TAF3: variants seen among roughly 807,000 people sequenced by gnomAD.
TAF3 encodes the protein TATA-box binding protein associated factor 3.
Under a neutral mutation model 80.6 loss-of-function variants are expected in TAF3, and 7 were observed. The ratio of observed to expected loss-of-function variants is 0.09; its 90% CI spans 0.05 to 0.16. The LOEUF is 0.16. TAF3 is among the 10% of genes least tolerant of loss of function. The probability of loss-of-function intolerance (pLI) is 1.00; values close to 1 mark genes in which losing one functional copy is unlikely to be tolerated. For synonymous variants in TAF3, 444 were observed against 446.1 expected, an observed-to-expected ratio of 1.00 and a Z score of 0.06; for missense variants, 921 against 1,140.2, an observed-to-expected ratio of 0.81 and a Z score of 2.77.
chr10:7,943,746 A>C (rs969698801), intron 2 of TAF3, among the ~76,000 whole-genome samples: 2 of 152,210 alleles, frequency 1.3e-5, no homozygotes, highest in Non-Finnish European at 2.9e-5. Flanking sequence ...GTAAGCAAAA[A>C]TTAGTTGTGT....
chr10:7,875,067 T>A (rs1837301975), intron 2 of TAF3, among the ~76,000 whole-genome samples: 1 of 152,174 alleles, frequency 6.6e-6, no homozygotes, highest in African/African-American at 2.4e-5. Context: ...TAAGTGAAGC[T>A]TTCTTATCTT....
At position 7,964,060 on chromosome 10, in the gene TAF3, C is replaced by A. The variant is rs1364700503; in HGVS notation, c.550C>A (p.Pro184Thr). The change falls in exon 3 of 7, where the codon CCT becomes ACT. Residue 184 changes from proline to threonine, a missense_variant. Physicochemically the swap from Pro to Thr is conservative, Grantham distance 38 (BLOSUM62 -1). Coordinates refer to ENST00000344293, the MANE Select transcript of TAF3 (RefSeq NM_031923.4). The surrounding 1 kb of genome is among the most constrained non-coding windows in gnomAD (Gnocchi z 4.1). ...CCTGGGCAAGAGACCACTGGATAGT[C>A]CTGAAGCTGAAGAACTGCCAGCCAT... Reference protein sequence around the residue: ...NFLGKRPLDSPEAEELPAMKR... With the variant: ...NFLGKRPLDSTEAEELPAMKR... The A allele has an allele frequency of 6.2e-7, 1 of 1,614,012 alleles. No homozygotes were observed. The highest frequency in any genetic ancestry group is 1.3e-5 in the African/African-American group (1 of 74,974).
intron 2 of TAF3, among the ~76,000 whole-genome samples, chr10:7,858,510 A>G (rs1837106104): frequency 6.6e-6 from 1 of 152,120 alleles, no homozygotes; most frequent in African/African-American, 2.4e-5. Flanking sequence ...GATCTTACTG[A>G]TTAGGTACTT....
chr10:7,913,991 A>G (rs1564362329), intron 2 of TAF3, among the ~76,000 whole-genome samples: 2 of 152,178 alleles, frequency 1.3e-5, no homozygotes, highest in Admixed American at 6.5e-5. Context: ...AGCAGGGGGG[A>G]ACCATGATTG....
intron 2 of TAF3, among the ~76,000 whole-genome samples, chr10:7,834,787 C>A (rs1836835318): frequency 6.6e-6 from 1 of 152,168 alleles, no homozygotes; most frequent in Non-Finnish European, 1.5e-5. Flanking sequence ...CTGATACTAT[C>A]ATTCATGATT....
intron 2 of TAF3, among the ~76,000 whole-genome samples, chr10:7,931,354 A>G (rs1837867849): frequency 6.6e-6 from 1 of 152,130 alleles, no homozygotes; most frequent in Non-Finnish European, 1.5e-5. Context: ...CCTAACCACT[A>G]TGCCATATTT....
intron 2 of TAF3, among the ~76,000 whole-genome samples, chr10:7,930,801 A>C (rs1233046812): frequency 6.6e-6 from 1 of 152,150 alleles, no homozygotes; most frequent in East Asian, 1.9e-4. Context: ...ATCACTACAA[A>C]AGTAGCAGAG....
intron 2 of TAF3, among the ~76,000 whole-genome samples, chr10:7,870,664 C>T (rs555216178): frequency 1.9e-3 from 284 of 152,126 alleles, no homozygotes; most frequent in Non-Finnish European, 3.0e-3. Flanking sequence ...CCTTAACGAG[C>T]GGCAGAACTC....
intron 2 of TAF3, among the ~76,000 whole-genome samples, chr10:7,911,347 A>C (rs1051350694): frequency 3.9e-5 from 6 of 152,268 alleles, no homozygotes; most frequent in African/African-American, 7.2e-5. Context: ...TTAGAGTTTT[A>C]AGAGAAAATA....
chr10:7,931,936 G>A (rs559324690), intron 2 of TAF3, among the ~76,000 whole-genome samples: 1 of 152,194 alleles, frequency 6.6e-6, no homozygotes, highest in Non-Finnish European at 1.5e-5. Flanking sequence ...TAATAGAAAT[G>A]TACTGGGTCT....
chr10:7,957,414 T>G (rs1838146411), intron 2 of TAF3, among the ~76,000 whole-genome samples: 1 of 152,200 alleles, frequency 6.6e-6, no homozygotes, highest in East Asian at 1.9e-4. Context: ...GTTTTTTTAA[T>G]CTTCTCAAAA....
At chr10:7,925,660 G>T (rs1417195923) in intron 2 of TAF3, among the ~76,000 whole-genome samples, 1 of 151,774 alleles carries the variant, frequency 6.6e-6, no homozygotes, top group African/African-American at 2.4e-5. Context: ...AAAAAATTAG[G>T]CATGATGGTG....
At chr10:7,950,090 A>T (rs4749399) in intron 2 of TAF3, among the ~76,000 whole-genome samples, 25,452 of 152,210 alleles carry the variant, frequency 0.17, 2,344 homozygotes, top group East Asian at 0.29. Context: ...ATGGTGGTTT[A>T]GCAGCAGAAG....
intron 2 of TAF3, among the ~76,000 whole-genome samples, chr10:7,864,233 A>G (rs1837186865): frequency 6.6e-6 from 1 of 152,156 alleles, no homozygotes. Flanking sequence ...TGTTCTACCT[A>G]TTCTTCCCTC....
chr10:7,869,047 A>T (rs139768421), intron 2 of TAF3, among the ~76,000 whole-genome samples: 2 of 152,198 alleles, frequency 1.3e-5, no homozygotes, highest in Non-Finnish European at 2.9e-5. Flanking sequence ...GTAAAACAAT[A>T]CATCGTAGAA....
chr10:7,863,427 A>G (rs1989346), intron 2 of TAF3, among the ~76,000 whole-genome samples: 6,976 of 151,348 alleles, frequency 0.046, 290 homozygotes, highest in Admixed American at 0.11. Flanking sequence ...CCTGGCCAGG[A>G]TGGTGAAACC....
At chr10:7,982,685 C>T (rs1402970331) in intron 4 of TAF3, among the ~76,000 whole-genome samples, 3 of 152,210 alleles carry the variant, frequency 2.0e-5, no homozygotes, top group Admixed American at 1.3e-4. Context: ...CAGGTGTGAG[C>T]AATCTTGCTT....
intron 2 of TAF3, among the ~76,000 whole-genome samples, chr10:7,904,495 C>CA (rs34762128): frequency 0.9 from 136,571 of 152,256 alleles, 61,380 homozygotes; most frequent in East Asian, 0.99. Context: ...GCCTGATACA[C>CA]GCATTTATCT....
intron 2 of TAF3, among the ~76,000 whole-genome samples, chr10:7,893,068 C>G (rs770012895): frequency 9.2e-5 from 14 of 152,110 alleles, no homozygotes; most frequent in Non-Finnish European, 1.8e-4. Context: ...GATCCACCCC[C>G]CTTGGCTTCC....
Sources: allele counts gnomAD v4.1 joint callset (sites outside exome capture counted in the v4.1 genomes callset), GRCh38; gene constraint gnomAD v4.1.1; non-coding constraint Gnocchi (gnomAD v3.1); transcripts MANE v1.5; gene names NCBI Gene and HGNC (gene_info 2026-07-23, HGNC 2026-07-21).